The following UGT1A9 variants were observed in gnomAD, a reference collection of about 807,000 sequenced individuals.
UGT1A9 encodes the protein UDP-glucuronosyltransferase 1A9.
UGT1A9 carries 35 observed loss-of-function variants against 45.0 expected under a neutral mutation model. The ratio of observed to expected loss-of-function variants is 0.78; its 90% confidence interval spans 0.59 to 1.03. The LOEUF is 1.03. UGT1A9 is among the 50% of genes least tolerant of loss of function. The probability of loss-of-function intolerance (pLI) is 0.00; values close to 1 mark genes in which losing one functional copy is unlikely to be tolerated. For synonymous variants in UGT1A9, 278 were observed against 250.6 expected (o/e 1.11, Z -1.03); for missense variants, 687 against 666.6 (o/e 1.03, Z -0.34).
Position 233,766,962 on chromosome 2 carries a change from T to G in UGT1A9, c.856-72T>G, listed in dbSNP as rs1699292414. 20 of 1,607,676 alleles carry G rather than the reference T, an allele frequency of 1.2e-5. No homozygotes were observed. In the East Asian group the frequency reaches 4.5e-4, roughly 36 times the overall value. ...TAGTCTTAAGAGGAAGATATCTAAT[T>G]CATAACTTACTGTATGTAGTCATCA... On this transcript the variant is annotated intron_variant, in intron 1 of 4. Coordinates refer to ENST00000354728, the MANE Select transcript of UGT1A9 (RefSeq NM_021027.3).
intron 1 of UGT1A9, among the ~76,000 whole-genome samples, chr2:233,724,415 C>G (rs1413397133): frequency 7.9e-6 from 1 of 126,926 alleles, no homozygotes; most frequent in East Asian, 2.6e-4. Context: ...GGGTGGCTGC[C>G]GGGCGGAGAG....
At position 233,767,068 on chromosome 2, in the gene UGT1A9, A is replaced by G. The variant is rs1055696021; in HGVS notation, c.890A>G (p.His297Arg). 45 of 1,614,026 alleles carry G rather than the reference A, an allele frequency of 2.8e-5. No individual in the cohort carries two copies. Among genetic ancestry groups the G allele is most frequent in the Non-Finnish European group, 3.6e-5 (43 of 1,180,024 alleles). The change falls in exon 2 of 5, where the codon CAT becomes CGT. Residue 297 changes from histidine to arginine, a missense_variant. Physicochemically the swap from His to Arg is conservative, Grantham distance 29. Coordinates refer to ENST00000354728, the MANE Select transcript of UGT1A9 (RefSeq NM_021027.3). ...GCCTACATTAATGCTTCTGGAGAAC[A>G]TGGAATTGTGGTTTTCTCTTTGGGA... Reference protein sequence around the residue: ...FEAYINASGEHGIVVFSLGSM... With the variant: ...FEAYINASGERGIVVFSLGSM...
chr2:233,699,996 C>G (rs1237740958), intron 1 of UGT1A9, among the ~76,000 whole-genome samples: 1 of 152,194 alleles, frequency 6.6e-6, no homozygotes, highest in African/African-American at 2.4e-5. Flanking sequence ...ATTACTCTGG[C>G]TCAAAATGTC....
In UGT1A9 at chr2:233,672,301, A is replaced by C; in HGVS notation, c.367A>C (p.Asn123His). 1 of 1,613,826 alleles carries C rather than the reference A, an allele frequency of 6.2e-7. No homozygotes were observed. The highest frequency in any genetic ancestry group is 8.5e-7 in the Non-Finnish European group (1 of 1,179,926). Residue 123 changes from asparagine (N) to histidine (H), a missense_variant, in exon 1 of 5, where the codon AAT becomes CAT. By Grantham distance (68) the Asn-to-His change is moderately conservative. Transcript: ENST00000354728. ...YNDIFDLFFS[N>H]CRSLFKDKKL... ...TGACATTTTTGACTTATTTTTTTCA[A>C]ATTGCAGGAGTTTGTTTAAAGACAA... is the stretch of plus-strand genomic sequence containing the variant.
intron 1 of UGT1A9, chr2:233,691,386 T>C: frequency 1.0e-6 from 1 of 985,586 alleles, no homozygotes; most frequent in Non-Finnish European, 1.2e-6. Flanking sequence ...ATGTTCCCCA[T>C]GGGGGCCAGC....
chr2:233,759,702 G>A (rs780884491), intron 1 of UGT1A9, among the ~76,000 whole-genome samples: 4 of 150,764 alleles, frequency 2.7e-5, no homozygotes, highest in Admixed American at 2.0e-4. Context: ...ACCTCATGGC[G>A]CGTGCTCGTG....
intron 1 of UGT1A9, among the ~76,000 whole-genome samples, chr2:233,715,986 A>G (rs966648830): frequency 1.3e-5 from 2 of 152,140 alleles, no homozygotes; most frequent in African/African-American, 2.4e-5. Context: ...GATTTAAAAC[A>G]CAACAAAACC....
chr2:233,708,476 G>A (rs2092189867), intron 1 of UGT1A9: 1 of 152,210 alleles, frequency 6.6e-6, no homozygotes, highest in African/African-American at 2.4e-5. Flanking sequence ...AACTGGCTGA[G>A]CGTGGTGGCT....
chr2:233,734,316 G>A (rs901431667), intron 1 of UGT1A9, among the ~76,000 whole-genome samples: 3 of 152,136 alleles, frequency 2.0e-5, no homozygotes, highest in Admixed American at 6.5e-5. Context: ...TTGTGTAGAC[G>A]TATTTATAGT....
intron 1 of UGT1A9, among the ~76,000 whole-genome samples, chr2:233,703,618 A>G (rs1261282473): frequency 1.3e-5 from 2 of 151,894 alleles, no homozygotes; most frequent in Non-Finnish European, 2.9e-5. Flanking sequence ...AAAAAAGTCT[A>G]TTTTATCTGA....
chr2:233,722,194 C>T (rs1259255886), intron 1 of UGT1A9: 3 of 157,146 alleles, frequency 1.9e-5, no homozygotes, highest in African/African-American at 4.8e-5. Flanking sequence ...TGCCAATTTA[C>T]TGAGTGCATG....
rs1699786831 is a variant in UGT1A9 at position 233,769,072 on chromosome 2, T to C, written c.1295+633T>C. ...AAGTTTCCTGCACAGAAAGAAATACTCCATTATAAGAAGCATAGTATCTTT... is the reference window on the plus strand; with the variant it reads ...AAGTTTCCTGCACAGAAAGAAATACCCCATTATAAGAAGCATAGTATCTTT... On this transcript the variant is annotated intron_variant, in intron 4 of 4. Coordinates refer to ENST00000354728, the MANE Select transcript of UGT1A9 (RefSeq NM_021027.3). This position sits in a 1 kb window ranked among gnomAD's most constrained non-coding sequence, Gnocchi z 4.4. 6.6e-6 allele frequency among the ~76,000 whole-genome samples: 1 copy of C among 152,150 alleles called. No homozygotes were observed. Among genetic ancestry groups the C allele is most frequent in the Admixed American group, 6.5e-5 (1 of 15,270 alleles).
chr2:233,770,680 G>C (rs940972002), intron 4 of UGT1A9: 1 of 151,464 alleles, frequency 6.6e-6, no homozygotes, highest in Non-Finnish European at 1.5e-5. Context: ...AAAAAAGAAG[G>C]TTCCAAGAAA....
chr2:233,718,746 T>C (rs2076680483), intron 1 of UGT1A9: 1 of 1,612,108 alleles, frequency 6.2e-7, no homozygotes, highest in Admixed American at 1.7e-5. Flanking sequence ...AATGACAAGG[T>C]AATTAAGGCG....
intron 1 of UGT1A9, among the ~76,000 whole-genome samples, chr2:233,721,343 A>G (rs2076939379): frequency 6.6e-6 from 1 of 152,156 alleles, no homozygotes; most frequent in South Asian, 2.1e-4. Flanking sequence ...CTATGAATAT[A>G]TTCTTTAGAC....
At chr2:233,673,409 T>G (rs2074258228) in intron 1 of UGT1A9, among the ~76,000 whole-genome samples, 1 of 152,174 alleles carries the variant, frequency 6.6e-6, no homozygotes, top group African/African-American at 2.4e-5. Context: ...ATTTTGCATT[T>G]TTTGTCTTTA....
chr2:233,745,132 TG>T (rs1669104156), intron 1 of UGT1A9, among the ~76,000 whole-genome samples: 1 of 151,914 alleles, frequency 6.6e-6, no homozygotes, highest in Admixed American at 6.5e-5. Context: ...TCTGCAGATG[TG>T]AAGCCCAAGT....
chr2:233,743,852 G>C (rs770873874), intron 1 of UGT1A9: 2 of 1,367,108 alleles, frequency 1.5e-6, no homozygotes, highest in East Asian at 9.1e-5. Context: ...CTTGCGGTAC[G>C]CCTTCTTGAT....
chr2:233,680,398 G>A (rs2074485510), intron 1 of UGT1A9, among the ~76,000 whole-genome samples: 1 of 152,206 alleles, frequency 6.6e-6, no homozygotes. Flanking sequence ...GCAACAGGAG[G>A]TAGCAACAAA....
Sources: allele counts gnomAD v4.1 joint callset (sites outside exome capture counted in the v4.1 genomes callset), GRCh38; gene constraint gnomAD v4.1.1; non-coding constraint Gnocchi (gnomAD v3.1); transcripts MANE v1.5; gene names NCBI Gene and HGNC (gene_info 2026-07-23, HGNC 2026-07-21).